The following TAFA2 variants were observed in gnomAD, a reference collection of about 807,000 sequenced individuals.
The protein encoded by TAFA2 is chemokine-like protein TAFA-2.
TAFA2 carries 7 observed loss-of-function variants against 18.8 expected under a neutral mutation model. The ratio of observed to expected loss-of-function variants is 0.37; its 90% confidence interval spans 0.21 to 0.70. The LOEUF is 0.70. TAFA2 is among the 30% of genes least tolerant of loss of function. The pLI is 0.53. For missense variants in TAFA2, 122 were observed against 158.1 expected (o/e 0.77, Z 1.23); for synonymous variants, 60 against 54.2 (o/e 1.11, Z -0.47).
chr12:62,240,255 TTAAA>T (rs2062856563), intron 1 of TAFA2, among the ~76,000 whole-genome samples: 3 of 151,854 alleles, frequency 2.0e-5, no homozygotes, highest in African/African-American at 7.2e-5. Context: ...CCTGTCTCTA[TTAAA>T]AATACAAAAA....
intron 1 of TAFA2, among the ~76,000 whole-genome samples, chr12:62,149,663 C>G (rs558243291): frequency 1.5e-4 from 22 of 150,736 alleles, no homozygotes; most frequent in Non-Finnish European, 2.5e-4. Context: ...CTTAATTTTA[C>G]AAATTACTAT....
chr12:62,088,590 C>T (rs1029023050), intron 1 of TAFA2, among the ~76,000 whole-genome samples: 30 of 86,918 alleles, frequency 3.5e-4, no homozygotes, highest in African/African-American at 1.1e-3. Context: ...GGGGAAACAG[C>T]CCTGTAGAGG....
Position 61,987,081 on chromosome 12 carries a change from A to G in TAFA2, c.-1-119655T>C, listed in dbSNP as rs74096153. Reference sequence around the variant, plus strand: ...CCTCCAAATATAAAAAGGTCACTAAAATAAAAAATGTTCTGTAGTTTTAAG... The same window carrying G: ...CCTCCAAATATAAAAAGGTCACTAAGATAAAAAATGTTCTGTAGTTTTAAG... On this transcript the variant is annotated intron_variant, in intron 1 of 4. Coordinates refer to ENST00000416284, the MANE Select transcript of TAFA2 (RefSeq NM_178539.5). Among the ~76,000 whole-genome samples the G allele has an allele frequency of 9.2e-3, 1,403 of 152,308 alleles. 19 individuals carry two copies. Among genetic ancestry groups the G allele is most frequent in the African/African-American group, 0.032 (1,348 of 41,566 alleles).
chr12:61,962,347 A>G (rs1002388488), intron 1 of TAFA2, among the ~76,000 whole-genome samples: 3 of 152,118 alleles, frequency 2.0e-5, no homozygotes, highest in South Asian at 2.1e-4. Context: ...GATATACTCT[A>G]TCTACTCTCC....
At chr12:61,937,156 G>T (rs1289705511) in intron 1 of TAFA2, among the ~76,000 whole-genome samples, 2 of 152,106 alleles carry the variant, frequency 1.3e-5, no homozygotes, top group Non-Finnish European at 2.9e-5. Flanking sequence ...GAAATCATAT[G>T]ACACGAACAA....
At chr12:61,839,656 C>T (rs762936104) in intron 2 of TAFA2, among the ~76,000 whole-genome samples, 2 of 151,904 alleles carry the variant, frequency 1.3e-5, no homozygotes, top group Non-Finnish European at 1.5e-5. Flanking sequence ...AACAGAAAAC[C>T]AAATACAGCA....
intron 4 of TAFA2, among the ~76,000 whole-genome samples, chr12:61,711,633 G>A (rs571315165): frequency 2.6e-5 from 4 of 151,760 alleles, no homozygotes; most frequent in African/African-American, 9.7e-5. Flanking sequence ...ACTTTGCTAT[G>A]GCTAGTCTCA....
rs147322281 is a variant in TAFA2, at chr12:61,817,657, G to A, written c.106+49663C>T. On this transcript the variant is annotated intron_variant, in intron 2 of 4. Transcript: ENST00000416284. ...TACGCCCTGGGTCTTAAAGACAGAT[G>A]CCATATCTCTTCCCAATTCTGATGC... Among the ~76,000 whole-genome samples, 1,081 of 152,242 alleles carry A rather than the reference G, an allele frequency of 7.1e-3. 4 individuals are homozygous for A. The highest frequency in any genetic ancestry group is 0.013 in the Non-Finnish European group (858 of 68,020).
At chr12:61,909,232 G>A (rs966463911) in intron 1 of TAFA2, among the ~76,000 whole-genome samples, 22 of 152,136 alleles carry the variant, frequency 1.4e-4, no homozygotes, top group African/African-American at 4.3e-4. Context: ...AAATGGAGGT[G>A]AGTAACAAAA....
chr12:62,170,302 C>T (rs889257874), intron 1 of TAFA2, among the ~76,000 whole-genome samples: 7 of 152,156 alleles, frequency 4.6e-5, no homozygotes, highest in African/African-American at 1.7e-4. Flanking sequence ...GATGTTAAGT[C>T]ATTAGCATCA....
intron 1 of TAFA2, among the ~76,000 whole-genome samples, chr12:62,199,165 G>C (rs146455798): frequency 0.013 from 1,995 of 152,240 alleles, 27 homozygotes; most frequent in Admixed American, 0.022. Flanking sequence ...TGGAGTACTG[G>C]GGATAAGTAG....
At chr12:62,038,851 G>A (rs1221001642) in intron 1 of TAFA2, among the ~76,000 whole-genome samples, 1 of 152,180 alleles carries the variant, frequency 6.6e-6, no homozygotes, top group East Asian at 1.9e-4. Context: ...ATTTTTAAAA[G>A]AAATGAAAAT....
intron 2 of TAFA2, among the ~76,000 whole-genome samples, chr12:61,768,579 A>T (rs1447415915): frequency 6.6e-6 from 1 of 152,126 alleles, no homozygotes; most frequent in African/African-American, 2.4e-5. Flanking sequence ...GGTCCAGATC[A>T]TGGGAGAAGG....
intron 1 of TAFA2, among the ~76,000 whole-genome samples, chr12:62,090,084 C>T: frequency 6.6e-6 from 1 of 152,068 alleles, no homozygotes; most frequent in East Asian, 1.9e-4. Flanking sequence ...CAGGCCAATG[C>T]AGTGATTGCT....
intron 1 of TAFA2, among the ~76,000 whole-genome samples, chr12:62,165,609 G>A (rs1360835985): frequency 3.3e-5 from 5 of 152,048 alleles, no homozygotes; most frequent in Non-Finnish European, 7.4e-5. Context: ...CTTTCATGGT[G>A]TAACAGTCCC....
chr12:61,748,312 C>T (rs569503340), intron 4 of TAFA2, among the ~76,000 whole-genome samples: 4 of 152,094 alleles, frequency 2.6e-5, no homozygotes, highest in East Asian at 1.9e-4. Flanking sequence ...ATTAGAAAAA[C>T]GCTAAAGGTC....
intron 1 of TAFA2, among the ~76,000 whole-genome samples, chr12:61,973,229 GTAAGA>G (rs1432243680): frequency 6.6e-6 from 1 of 151,488 alleles, no homozygotes; most frequent in Non-Finnish European, 1.5e-5. Context: ...TACAAATGTT[GTAAGA>G]TAAGAGCTCC....
chr12:62,143,461 A>C (rs941964874), intron 1 of TAFA2, among the ~76,000 whole-genome samples: 1 of 152,192 alleles, frequency 6.6e-6, no homozygotes, highest in Non-Finnish European at 1.5e-5. Context: ...ATTCTTAAAG[A>C]ATCTGACCAG....
intron 1 of TAFA2, among the ~76,000 whole-genome samples, chr12:62,054,937 C>T (rs184153330): frequency 6.6e-6 from 1 of 152,124 alleles, no homozygotes; most frequent in Non-Finnish European, 1.5e-5. Flanking sequence ...TAGTCTCATA[C>T]ATATAGTAGG....
Sources: allele counts gnomAD v4.1 joint callset (sites outside exome capture counted in the v4.1 genomes callset), GRCh38; gene constraint gnomAD v4.1.1; transcripts MANE v1.5; gene names NCBI Gene and HGNC (gene_info 2026-07-23, HGNC 2026-07-21).